The following PAX5 variants were observed in gnomAD, a reference collection of about 807,000 sequenced individuals.
PAX5 encodes paired box protein Pax-5.
PAX5 carries 9 observed loss-of-function variants against 43.7 expected under a neutral mutation model. The observed-to-expected ratio is 0.21, with a 90% CI of 0.12 to 0.36. PAX5 has a LOEUF of 0.36. Among genes scored for constraint, PAX5 ranks in the 10% least tolerant of loss-of-function variants. The pLI is 1.00. For missense variants in PAX5, 383 were observed against 532.7 expected, an observed-to-expected ratio of 0.72 and a Z score of 2.77; for synonymous variants, 228 against 214.3, an observed-to-expected ratio of 1.06 and a Z score of -0.56.
intron 6 of PAX5, among the ~76,000 whole-genome samples, chr9:36,925,185 G>A (rs1045486766): frequency 1.3e-5 from 2 of 152,142 alleles, no homozygotes; most frequent in South Asian, 2.1e-4. Context: ...TTTTGACTGG[G>A]GGTGATGGCA....
intron 7 of PAX5, among the ~76,000 whole-genome samples, chr9:36,912,775 T>C (rs567842596): frequency 5.1e-4 from 77 of 152,334 alleles, no homozygotes; most frequent in South Asian, 1.4e-3. Context: ...CCTCCAAGCC[T>C]CCTTCTCCAC....
intron 6 of PAX5, among the ~76,000 whole-genome samples, chr9:36,928,928 C>A (rs1830880847): frequency 6.6e-6 from 1 of 152,154 alleles, no homozygotes; most frequent in African/African-American, 2.4e-5. Context: ...CCTGGTGAGT[C>A]ATTAATCTGC....
intron 5 of PAX5, among the ~76,000 whole-genome samples, chr9:36,974,314 A>G (rs1588123996): frequency 6.6e-6 from 1 of 152,232 alleles, no homozygotes; most frequent in Admixed American, 6.5e-5. Flanking sequence ...TGGGGCTGAC[A>G]TTAGATAACA....
chr9:37,030,991 T>TA (rs568576514), intron 1 of PAX5, among the ~76,000 whole-genome samples: 3 of 152,058 alleles, frequency 2.0e-5, no homozygotes, highest in East Asian at 1.9e-4. Context: ...TTTTAAAAAA[T>TA]AAAAAAAATT....
chr9:36,931,107 C>T (rs1831083145), intron 6 of PAX5, among the ~76,000 whole-genome samples: 1 of 152,244 alleles, frequency 6.6e-6, no homozygotes, highest in South Asian at 2.1e-4. Context: ...GGCTCACCGC[C>T]AGGCCACAGG....
intron 5 of PAX5, among the ~76,000 whole-genome samples, chr9:36,978,255 AC>A (rs1292397152): frequency 6.6e-6 from 1 of 152,184 alleles, no homozygotes; most frequent in Non-Finnish European, 1.5e-5. Context: ...TAATTACTCC[AC>A]CTTACAGAGG....
chr9:36,879,655 G>A (rs926992267), intron 8 of PAX5, among the ~76,000 whole-genome samples: 7 of 152,182 alleles, frequency 4.6e-5, no homozygotes, highest in Non-Finnish European at 7.3e-5. Flanking sequence ...TGGCTTCTCC[G>A]GGGCTTCTCT....
At chr9:36,947,335 CT>C (rs1349957863) in intron 6 of PAX5, among the ~76,000 whole-genome samples, 1 of 152,188 alleles carries the variant, frequency 6.6e-6, no homozygotes, top group African/African-American at 2.4e-5. Flanking sequence ...AATTTTAAAC[CT>C]TGCTTTGGAT....
intron 7 of PAX5, among the ~76,000 whole-genome samples, chr9:36,901,998 T>G (rs1010585922): frequency 6.6e-6 from 1 of 152,188 alleles, no homozygotes; most frequent in African/African-American, 2.4e-5. Flanking sequence ...ATCTGCTGCT[T>G]CTTTTAGAGT....
chr9:36,957,777 A>G (rs1254740007), intron 6 of PAX5, among the ~76,000 whole-genome samples: 1 of 152,184 alleles, frequency 6.6e-6, no homozygotes, highest in Non-Finnish European at 1.5e-5. Flanking sequence ...TCTCTAAAAC[A>G]TATGACTTCT....
At chr9:36,969,254 G>C (rs371371134) in intron 5 of PAX5, among the ~76,000 whole-genome samples, 1 of 152,168 alleles carries the variant, frequency 6.6e-6, no homozygotes, top group Non-Finnish European at 1.5e-5. Flanking sequence ...CAGCTCCTCC[G>C]GCCCACCCAG....
intron 1 of PAX5, among the ~76,000 whole-genome samples, chr9:37,023,296 G>A (rs1840016266): frequency 6.6e-6 from 1 of 152,200 alleles, no homozygotes; most frequent in Non-Finnish European, 1.5e-5. Flanking sequence ...GGCTTCTGGA[G>A]GACAGGGGAC....
intron 5 of PAX5, among the ~76,000 whole-genome samples, chr9:37,000,567 A>G (rs1837758660): frequency 6.6e-6 from 1 of 152,206 alleles, no homozygotes; most frequent in Non-Finnish European, 1.5e-5. Flanking sequence ...AGCCTGGGCA[A>G]CATATCAAAA....
intron 7 of PAX5, among the ~76,000 whole-genome samples, chr9:36,901,656 T>C (rs1466679329): frequency 3.9e-5 from 6 of 152,076 alleles, no homozygotes; most frequent in African/African-American, 1.4e-4. Flanking sequence ...GGGTCTGGGA[T>C]TGGAGCCCAG....
At chr9:36,958,278 T>G (rs1028847336) in intron 6 of PAX5, among the ~76,000 whole-genome samples, 7 of 131,040 alleles carry the variant, frequency 5.3e-5, no homozygotes, top group Non-Finnish European at 8.1e-5. Flanking sequence ...TGTGAAAATT[T>G]CCTTCCACTC....
intron 7 of PAX5, among the ~76,000 whole-genome samples, chr9:36,894,482 G>A (rs139939213): frequency 7.0e-4 from 106 of 152,304 alleles, no homozygotes; most frequent in African/African-American, 2.5e-3. Context: ...GGGCCATGTG[G>A]GATGGTAGGC....
intron 8 of PAX5, among the ~76,000 whole-genome samples, chr9:36,847,454 G>A (rs1056123656): frequency 6.6e-6 from 1 of 152,184 alleles, no homozygotes; most frequent in Non-Finnish European, 1.5e-5. Context: ...GTGCTGTGAA[G>A]GCAGGGGTGG....
intron 5 of PAX5, among the ~76,000 whole-genome samples, chr9:36,976,750 C>T (rs993513017): frequency 3.3e-5 from 5 of 152,194 alleles, no homozygotes; most frequent in African/African-American, 4.8e-5. Flanking sequence ...TCAGGTTTGA[C>T]CAGAGTGAAT....
chr9:36,972,337 T>A (rs1834984143), intron 5 of PAX5, among the ~76,000 whole-genome samples: 1 of 152,186 alleles, frequency 6.6e-6, no homozygotes, highest in Admixed American at 6.5e-5. Context: ...TAGCCCCAGC[T>A]CTGCTGTTAC....
Sources: allele counts gnomAD v4.1 joint callset (sites outside exome capture counted in the v4.1 genomes callset), GRCh38; gene constraint gnomAD v4.1.1; transcripts MANE v1.5; gene names NCBI Gene and HGNC (gene_info 2026-07-23, HGNC 2026-07-21).